The following ARSK variants were observed in gnomAD, a reference collection of about 807,000 sequenced individuals.
ARSK encodes arylsulfatase family member K, also known as arylsulfatase K.
Under a neutral mutation model 53.2 loss-of-function variants are expected in ARSK, and 37 were observed. That is an observed-to-expected ratio of 0.70 (90% CI 0.54 to 0.92). ARSK has a LOEUF of 0.92. Among genes scored for constraint, ARSK ranks in the 40% least tolerant of loss-of-function variants. ARSK has a pLI of 0.00. For synonymous variants in ARSK, 208 were observed against 223.2 expected (o/e 0.93, Z 0.61); for missense variants, 613 against 643.0 (o/e 0.95, Z 0.51).
intron 6 of ARSK, chr5:95,600,615 C>G: frequency 1.5e-6 from 1 of 659,600 alleles, no homozygotes; most frequent in South Asian, 1.5e-5. Context: ...TGGTCATCCC[C>G]TTCTTACAGA....
rs1749459277 is a variant in ARSK at position 95,603,990 on chromosome 5, G to A, written c.*464G>A. On this transcript the variant is annotated 3_prime_UTR_variant, in exon 8 of 8. Transcript: ENST00000380009. ...GTGTATTTTAAGATAAAATGCCAAT[G>A]ATTATAAAATCACATATTTTCAAAA... The A allele has an allele frequency of 1.3e-5, 2 of 152,170 alleles. No homozygotes were observed. Among genetic ancestry groups the A allele is most frequent in the East Asian group, 3.9e-4 (2 of 5,186 alleles). 9.4% of individuals were successfully genotyped at this position (152,170 alleles called of 1,614,324 possible).
intron 3 of ARSK, among the ~76,000 whole-genome samples, chr5:95,576,029 T>G (rs769008974): frequency 9.2e-5 from 14 of 152,078 alleles, no homozygotes; most frequent in Non-Finnish European, 1.6e-4. Flanking sequence ...CTGTTGTATG[T>G]GTCTTTATGT....
At position 95,603,445 on chromosome 5, in the gene ARSK, A is replaced by T. The variant is rs753003357; in HGVS notation, c.1530A>T (p.Gln510His). Residue 510 changes from glutamine to histidine, a missense_variant, in exon 8 of 8, where the codon CAA (glutamine) becomes CAT (histidine). Physicochemically the swap from Gln to His is conservative, Grantham distance 24. Transcript: ENST00000380009. Reference protein sequence around the residue: ...SNVIANLRWHQDWQKEPRKYE... With the variant: ...SNVIANLRWHHDWQKEPRKYE... ...TTATAGCAAATCTTAGGTGGCACCAAGACTGGCAGAAGGAACCAAGGAAGT... is the reference window on the plus strand; with the variant it reads ...TTATAGCAAATCTTAGGTGGCACCATGACTGGCAGAAGGAACCAAGGAAGT... 6.2e-7 allele frequency: 1 copy of T among 1,613,872 alleles called. No individual in the cohort carries two copies. Among genetic ancestry groups the T allele is most frequent in the Non-Finnish European group, 8.5e-7 (1 of 1,179,892 alleles).
At chr5:95,565,709 A>G (rs1197317855) in intron 1 of ARSK, among the ~76,000 whole-genome samples, 1 of 152,194 alleles carries the variant, frequency 6.6e-6, no homozygotes, top group African/African-American at 2.4e-5. Flanking sequence ...TGTCTGGCAC[A>G]TAGTTAAGTA....
chr5:95,571,028 G>A (rs1003192482), intron 3 of ARSK, among the ~76,000 whole-genome samples: 6 of 152,150 alleles, frequency 3.9e-5, no homozygotes, highest in African/African-American at 1.2e-4. Flanking sequence ...TGATCTGCCC[G>A]CCTAGGCCTC....
At chr5:95,586,817 TTTC>T in intron 5 of ARSK, 84 bp downstream of exon 5, 4 of 1,218,476 alleles carry the variant, frequency 3.3e-6, no homozygotes, top group Non-Finnish European at 4.4e-6. Flanking sequence ...GCTTGGTGAC[TTTC>T]TTACAAAGTT....
At chr5:95,597,475 A>G (rs1749328953) in intron 6 of ARSK, among the ~76,000 whole-genome samples, 1 of 152,212 alleles carries the variant, frequency 6.6e-6, no homozygotes, top group Non-Finnish European at 1.5e-5. Context: ...CTTATGGTGT[A>G]GTATTAAAAG....
chr5:95,571,603 A>T lies in ARSK; in HGVS notation c.416+3554A>T, dbSNP rs557876346. Among the ~76,000 whole-genome samples, 6 of 152,298 alleles carry T rather than the reference A, an allele frequency of 3.9e-5. No homozygotes were observed. The East Asian group carries it at 1.2e-3, about 29-fold the overall frequency. On this transcript the variant is annotated intron_variant, in intron 3 of 7. Coordinates refer to ENST00000380009, the MANE Select transcript of ARSK (RefSeq NM_198150.3). The stretch of plus-strand genomic sequence containing the variant: ...AGGAGTTCTTTCTTTGTCATGTGGA[A>T]TTCTAAAATTAGTAGAGGAAAAAAA...
intron 6 of ARSK, among the ~76,000 whole-genome samples, chr5:95,600,279 AC>A (rs1305117252): frequency 6.6e-6 from 1 of 152,212 alleles, no homozygotes; most frequent in African/African-American, 2.4e-5. Flanking sequence ...CACATAGTAT[AC>A]TATATACCAC....
chr5:95,568,161 T>TCAATGAAAG, intron 3 of ARSK, 112 bp downstream of exon 3: 1 of 1,170,946 alleles, frequency 8.5e-7, no homozygotes, highest in Non-Finnish European at 1.2e-6. Flanking sequence ...AGTAAATCTC[T>TCAATGAAAG]TAATCCCTTC....
intron 3 of ARSK, among the ~76,000 whole-genome samples, chr5:95,568,678 C>T (rs1175192567): frequency 6.6e-6 from 1 of 152,164 alleles, no homozygotes; most frequent in Non-Finnish European, 1.5e-5. Flanking sequence ...AGACTGCTCT[C>T]CTTAGAAAGG....
At chr5:95,563,057 C>G (rs1317819419) in intron 1 of ARSK, among the ~76,000 whole-genome samples, 1 of 152,188 alleles carries the variant, frequency 6.6e-6, no homozygotes, top group African/African-American at 2.4e-5. Context: ...CTGACCGTCT[C>G]CCATTGATAC....
rs760240742 is a variant in ARSK at position 95,583,063 on chromosome 5, A to G, written c.564A>G (p.Arg188=). The G allele has an allele frequency of 6.2e-7, 1 of 1,613,874 alleles. No individual in the cohort carries two copies. Among genetic ancestry groups the G allele is most frequent in the Admixed American group, 1.7e-5 (1 of 60,018 alleles). Residue 188 remains arginine, a synonymous_variant, in exon 4 of 8, where the codon AGA becomes AGG. Coordinates refer to ENST00000380009, the MANE Select transcript of ARSK (RefSeq NM_198150.3). ...CAGACAAAGCAGTAAACTGGTTAAG[A>G]AAGGAAGCAATTAATTACACTGAAC... ...QNTDKAVNWL[R]KEAINYTEPF... is the part of the protein sequence containing the mutation.
intron 1 of ARSK, among the ~76,000 whole-genome samples, chr5:95,564,277 C>A (rs776842245): frequency 2.6e-5 from 4 of 152,154 alleles, no homozygotes; most frequent in Non-Finnish European, 5.9e-5. Context: ...TGTGCCTGGC[C>A]ACTATGCACT....
At chr5:95,579,837 C>T (rs770110670) in intron 3 of ARSK, among the ~76,000 whole-genome samples, 36 of 152,202 alleles carry the variant, frequency 2.4e-4, no homozygotes, top group Non-Finnish European at 4.9e-4. Flanking sequence ...GGACAATCTT[C>T]TTCAAGATAG....
At position 95,586,575 on chromosome 5, in the gene ARSK, C is replaced by A. The variant is rs767434011; in HGVS notation, c.713C>A (p.Ala238Asp). The A allele has an allele frequency of 1.9e-5, 30 of 1,611,298 alleles. No individual in the cohort carries two copies. Among genetic ancestry groups the A allele is most frequent in the Admixed American group, 8.4e-5 (5 of 59,590 alleles). The change falls in exon 5 of 8, where the codon GCC (alanine) becomes GAC (aspartate). Residue 238 changes from alanine to aspartate, a missense_variant. Ala to Asp is a moderately radical substitution (Grantham distance 126). Transcript: ENST00000380009. ...LYWLEKVSHD[A>D]IKIPKWSPLS... ...TCCCCTTTTTAGGTGTCTCATGATG[C>A]CATCAAAATCCCAAAGTGGTCACCT... is the stretch of plus-strand genomic sequence containing the variant.
intron 3 of ARSK, among the ~76,000 whole-genome samples, chr5:95,569,282 A>G (rs1404637443): frequency 6.6e-6 from 1 of 152,214 alleles, no homozygotes; most frequent in Non-Finnish European, 1.5e-5. Flanking sequence ...GATACTAATG[A>G]TGATGATAAG....
intron 1 of ARSK, among the ~76,000 whole-genome samples, chr5:95,560,802 C>G (rs776456929): frequency 1.5e-4 from 16 of 108,282 alleles, no homozygotes; most frequent in Non-Finnish European, 2.3e-4. Context: ...GGCAAAAGAT[C>G]TTTTTTTTTT....
chr5:95,587,290 T>G (rs1355726411), intron 5 of ARSK, among the ~76,000 whole-genome samples: 1 of 152,230 alleles, frequency 6.6e-6, no homozygotes, highest in African/African-American at 2.4e-5. Context: ...ATCACATGAC[T>G]GTCAAGAACA....
Sources: gnomAD v4.1 joint callset for allele counts (sites outside exome capture counted in the v4.1 genomes callset) on GRCh38, gnomAD v4.1.1 for gene constraint, MANE v1.5 for transcripts, NCBI Gene and HGNC (gene_info 2026-07-23, HGNC 2026-07-21) for gene names.